The following MS4A1 variants were observed in gnomAD, a reference collection of about 807,000 sequenced individuals.
MS4A1 encodes the protein membrane spanning 4-domains A1, also known as B-lymphocyte antigen CD20.
MS4A1 carries 16 observed loss-of-function variants against 26.5 expected under a neutral mutation model. The ratio of observed to expected loss-of-function variants is 0.60; its 90% confidence interval spans 0.41 to 0.92. MS4A1 has a LOEUF of 0.92. Ranked by LOEUF, MS4A1 falls within the 40% of genes least tolerant of loss-of-function variation. The pLI, the probability that MS4A1 is intolerant of heterozygous loss-of-function variation, is 0.00. For missense variants in MS4A1, 350 were observed against 353.0 expected (o/e 0.99, Z 0.07); for synonymous variants, 128 against 117.6 (o/e 1.09, Z -0.57).
chr11:60,458,543 G>T (rs1467857754), intron 1 of MS4A1, among the ~76,000 whole-genome samples: 1 of 152,214 alleles, frequency 6.6e-6, no homozygotes, highest in Non-Finnish European at 1.5e-5. Context: ...ACCAGCAAAT[G>T]TAAAATCTTA....
At chr11:60,456,856 C>G (rs1475741220) in intron 1 of MS4A1, among the ~76,000 whole-genome samples, 2 of 152,108 alleles carry the variant, frequency 1.3e-5, no homozygotes, top group African/African-American at 2.4e-5. Flanking sequence ...GTCTCGAGCT[C>G]CCGACCTCAG....
In MS4A1 at chr11:60,464,302, A is replaced by G. The variant is rs1329242154; in HGVS notation, c.294A>G (p.Gly98=). 6.4e-7 allele frequency: 1 copy of G among 1,565,068 alleles called. No individual in the cohort carries two copies. Among genetic ancestry groups the G allele is most frequent in the South Asian group, 1.1e-5 (1 of 90,288 alleles). The change falls in exon 5 of 8, where the codon GGA becomes GGG. Residue 98 remains glycine, a synonymous_variant. Transcript: ENST00000345732. The part of the protein sequence containing the change: ...LWGGIMYIIS[G]SLLAATEKNS... Reference sequence around the variant, plus strand: ...CTTTTTTACAGTATATTATTTCCGGATCACTCCTGGCAGCAACGGAGAAAA... The same window carrying G: ...CTTTTTTACAGTATATTATTTCCGGGTCACTCCTGGCAGCAACGGAGAAAA...
In MS4A1 at chr11:60,468,953, T is replaced by C. The variant is rs1437799854; in HGVS notation, c.*485T>C. The C allele has an allele frequency of 1.2e-5, 2 of 165,842 alleles. No homozygotes were observed. Among genetic ancestry groups the C allele is most frequent in the Non-Finnish European group, 1.3e-5 (1 of 76,084 alleles). 10.3% of individuals were successfully genotyped at this position (165,842 alleles called of 1,614,324 possible). A position where few individuals can be genotyped will look rare whatever the true frequency, so the allele number is the denominator to read the frequency against. On this transcript the variant is annotated 3_prime_UTR_variant, in exon 8 of 8. Coordinates refer to ENST00000345732, the MANE Select transcript of MS4A1 (RefSeq NM_152866.3). Reference sequence around the variant, plus strand: ...AAAAAAAAATAACAACTAGGGACAATACAGAACCCATTCCATTTATCTTTC... The same window carrying C: ...AAAAAAAAATAACAACTAGGGACAACACAGAACCCATTCCATTTATCTTTC...
Position 60,465,942 on chromosome 11 carries a change from A to C in MS4A1, c.358A>C (p.Asn120His). The C allele has an allele frequency of 1.2e-6, 2 of 1,613,386 alleles. No individual in the cohort carries two copies. The highest frequency in any genetic ancestry group is 1.7e-6 in the Non-Finnish European group (2 of 1,179,424). ...KCLVKGKMIM[N>H]SLSLFAAISG... ...TCAGGTCAAAGGAAAAATGATAATG[A>C]ATTCATTGAGCCTCTTTGCTGCCAT... The change falls in exon 6 of 8, where the codon AAT becomes CAT. Residue 120 changes from asparagine to histidine, a missense_variant. By Grantham distance (68) the Asn-to-His change is moderately conservative. Coordinates refer to ENST00000345732, the MANE Select transcript of MS4A1 (RefSeq NM_152866.3).
At chr11:60,464,215 G>T in intron 4 of MS4A1, 73 bp from the exon 5 acceptor site, 1 of 1,117,754 alleles carries the variant, frequency 8.9e-7, no homozygotes, top group Middle Eastern at 1.9e-4. Context: ...ATGTTAAAAA[G>T]TGATCTCCCT....
chr11:60,460,071 C>T (rs1295044405), intron 1 of MS4A1, among the ~76,000 whole-genome samples: 2 of 151,960 alleles, frequency 1.3e-5, no homozygotes, highest in Non-Finnish European at 2.9e-5. Flanking sequence ...CATGGCAAGA[C>T]CCCATCTCTA....
intron 5 of MS4A1, 35 bp downstream of exon 5, chr11:60,464,379 A>T (rs1347600895): frequency 1.3e-6 from 2 of 1,596,946 alleles, no homozygotes; most frequent in Non-Finnish European, 8.6e-7. Flanking sequence ...CCCACATGTC[A>T]GAGAAGTACC....
At chr11:60,456,791 T>C (rs909167348) in intron 1 of MS4A1, among the ~76,000 whole-genome samples, 1 of 152,068 alleles carries the variant, frequency 6.6e-6, no homozygotes, top group Non-Finnish European at 1.5e-5. Context: ...GTGTGTGTTT[T>C]GTTTGTTTGT....
Position 60,468,482 on chromosome 11 carries a change from T to C in MS4A1, c.*14T>C. 1 of 1,611,568 alleles carries C rather than the reference T, an allele frequency of 6.2e-7. No individual in the cohort carries two copies. Among genetic ancestry groups the C allele is most frequent in the Non-Finnish European group, 8.5e-7 (1 of 1,177,856 alleles). On this transcript the variant is annotated 3_prime_UTR_variant, in exon 8 of 8. Coordinates refer to ENST00000345732, the MANE Select transcript of MS4A1 (RefSeq NM_152866.3). ...AGCTCTCCTTAAGTGATTTCTTCTG[T>C]TTTCTGTTTCCTTTTTTAAACATTA...
chr11:60,458,768 C>T (rs1175218933), intron 1 of MS4A1, among the ~76,000 whole-genome samples: 1 of 151,924 alleles, frequency 6.6e-6, no homozygotes, highest in Non-Finnish European at 1.5e-5. Flanking sequence ...CCCACAATGC[C>T]ATAAATCGAT....
At chr11:60,467,330 T>A (rs1336683724) in intron 7 of MS4A1, among the ~76,000 whole-genome samples, 1 of 149,060 alleles carries the variant, frequency 6.7e-6, no homozygotes, top group East Asian at 2.0e-4. Context: ...CAGGCTAGAG[T>A]GCAATGGCGC....
intron 7 of MS4A1, 23 bp downstream of exon 7, chr11:60,467,083 A>G (rs2086298427): frequency 1.9e-6 from 3 of 1,571,088 alleles, no homozygotes; most frequent in East Asian, 4.5e-5. Context: ...CCCTCTGGCC[A>G]AAACCTCCCT....
At position 60,468,814 on chromosome 11, in the gene MS4A1, G is replaced by A. The variant is rs201494850; in HGVS notation, c.*346G>A. On this transcript the variant is annotated 3_prime_UTR_variant, in exon 8 of 8. Coordinates refer to ENST00000345732, the MANE Select transcript of MS4A1 (RefSeq NM_152866.3). The stretch of plus-strand genomic sequence containing the variant: ...TTCTCCATCAACAACCAGGGAGACT[G>A]CACCTGATGGAAAAGATATATGACT... The A allele has an allele frequency of 7.9e-6, 2 of 254,774 alleles. No homozygotes were observed. Among genetic ancestry groups the A allele is most frequent in the Admixed American group, 5.1e-5 (1 of 19,722 alleles). 15.8% of individuals were successfully genotyped at this position (254,774 alleles called of 1,614,324 possible). A position where few individuals can be genotyped will look rare whatever the true frequency, so the allele number is the denominator to read the frequency against.
At position 60,464,272 on chromosome 11, in the gene MS4A1, C is replaced by T. The variant is rs753213417; in HGVS notation, c.280-16C>T. ...GCCCACCCCCTCTCCATCTCCCCCACCTCTCTTTTTTACAGTATATTATTT... is the reference window on the plus strand; with the variant it reads ...GCCCACCCCCTCTCCATCTCCCCCATCTCTCTTTTTTACAGTATATTATTT... On this transcript the variant is annotated splice_polypyrimidine_tract_variant and intron_variant, in intron 4 of 7. Transcript: ENST00000345732. 4 of 1,589,514 alleles carry T rather than the reference C, an allele frequency of 2.5e-6. No homozygotes were observed. The highest frequency in any genetic ancestry group is 3.4e-6 in the Non-Finnish European group (4 of 1,162,734).
Position 60,462,275 on chromosome 11 carries a change from A to AAGC in MS4A1, c.-98_-96dup, listed in dbSNP as rs768567890. 2.4e-6 allele frequency: 3 copies of AAGC among 1,254,698 alleles called. No homozygotes were observed. In the South Asian group the frequency reaches 3.7e-5, roughly 15 times the overall value. 77.7% of individuals were successfully genotyped at this position (1,254,698 alleles called of 1,614,324 possible). ...ACACTCATGGAGGAAATGCTGAGAG[A>AAGC]AGCATTCAGATGCATGACACAAGGT... On this transcript the variant is annotated 5_prime_UTR_variant, in exon 3 of 8. Transcript: ENST00000345732.
intron 7 of MS4A1, among the ~76,000 whole-genome samples, chr11:60,467,697 T>C (rs2086305967): frequency 6.6e-6 from 1 of 152,048 alleles, no homozygotes; most frequent in Non-Finnish European, 1.5e-5. Context: ...AGTCACTAGT[T>C]CTTTGGTTTC....
intron 1 of MS4A1, among the ~76,000 whole-genome samples, 155 bp downstream of exon 1, chr11:60,456,100 CA>C: frequency 6.6e-6 from 1 of 152,246 alleles, no homozygotes; most frequent in East Asian, 1.9e-4. Flanking sequence ...GTGACGATAT[CA>C]AGGCTTGCTG....
intron 1 of MS4A1, among the ~76,000 whole-genome samples, chr11:60,459,101 C>T (rs1318801242): frequency 1.3e-5 from 2 of 152,162 alleles, no homozygotes; most frequent in Non-Finnish European, 2.9e-5. Flanking sequence ...TTTAATCAAG[C>T]AGTTGATGAA....
At chr11:60,458,691 A>G (rs569071269) in intron 1 of MS4A1, among the ~76,000 whole-genome samples, 1 of 152,328 alleles carries the variant, frequency 6.6e-6, no homozygotes, top group South Asian at 2.1e-4. Context: ...GAGAATCTCC[A>G]ATCTCCGTAG....
Sources: gnomAD v4.1 joint callset for allele counts (sites outside exome capture counted in the v4.1 genomes callset) on GRCh38, gnomAD v4.1.1 for gene constraint, MANE v1.5 for transcripts, NCBI Gene and HGNC (gene_info 2026-07-23, HGNC 2026-07-21) for gene names.